Variants in DNAH7 observed in about 807,000 individuals in gnomAD.
The protein encoded by DNAH7 is dynein axonemal heavy chain 7, also known as axonemal beta dynein heavy chain 7.
Under a neutral mutation model 444.6 loss-of-function variants are expected in DNAH7, and 397 were observed. The observed-to-expected ratio is 0.89, with a 90% CI of 0.82 to 0.97. DNAH7 has a LOEUF of 0.97. Ranked by LOEUF, DNAH7 falls within the 50% of genes least tolerant of loss-of-function variation. DNAH7 has a pLI of 0.00. For synonymous variants in DNAH7, 1,636 were observed against 1,624.4 expected (o/e 1.01, Z -0.17); for missense variants, 4,902 against 4,800.8 (o/e 1.02, Z -0.62).
At chr2:195,899,275 G>A (rs1414050099) in intron 28 of DNAH7, among the ~76,000 whole-genome samples, 3 of 152,114 alleles carry the variant, frequency 2.0e-5, no homozygotes, top group East Asian at 3.8e-4. Context: ...AAATATTCAG[G>A]CCAGAACATT....
intron 2 of DNAH7, among the ~76,000 whole-genome samples, chr2:196,056,142 C>T (rs192669545): frequency 2.8e-4 from 42 of 152,144 alleles, no homozygotes; most frequent in Non-Finnish European, 5.3e-4. Flanking sequence ...TAGCTTCTCA[C>T]ATCAAGAAAA....
At chr2:195,878,067 A>G (rs1361876252) in intron 36 of DNAH7, among the ~76,000 whole-genome samples, 1 of 152,228 alleles carries the variant, frequency 6.6e-6, no homozygotes, top group Non-Finnish European at 1.5e-5. Context: ...TATTTATTTA[A>G]AGAAACAACT....
chr2:195,813,667 G>A (rs767463393), intron 51 of DNAH7, among the ~76,000 whole-genome samples: 11 of 152,152 alleles, frequency 7.2e-5, no homozygotes, highest in Non-Finnish European at 1.0e-4. Context: ...TATCTGCTTC[G>A]ATAATTAAGG....
rs577132425 is a variant in DNAH7 at position 195,996,262 on chromosome 2, T to G, written c.1353+4442A>C. On this transcript the variant is annotated intron_variant, in intron 12 of 64. Transcript: ENST00000312428. The stretch of plus-strand genomic sequence containing the variant: ...ACCAGAGCAGACTAAAATCCTTAGC[T>G]GCAAAATTTGCATTCTGCTCTCAGG... Among the ~76,000 whole-genome samples, 3 of 152,332 alleles carry G rather than the reference T, an allele frequency of 2.0e-5. No homozygotes were observed. In the South Asian group the frequency reaches 6.2e-4, roughly 32 times the overall value.
intron 46 of DNAH7, among the ~76,000 whole-genome samples, chr2:195,846,980 T>TGTGTGTGC (rs1194482893): frequency 6.6e-6 from 1 of 151,184 alleles, no homozygotes; most frequent in African/African-American, 2.4e-5. Flanking sequence ...TGTGTGTGTG[T>TGTGTGTGC]GTATCCTATC....
intron 19 of DNAH7, among the ~76,000 whole-genome samples, chr2:195,951,898 T>C (rs10166940): frequency 0.014 from 2,170 of 152,288 alleles, 54 homozygotes; most frequent in African/African-American, 0.049. Flanking sequence ...TGACAGTCTG[T>C]GTCTTTTAAT....
intron 1 of DNAH7, among the ~76,000 whole-genome samples, chr2:196,067,738 C>G (rs529528699): frequency 6.8e-4 from 104 of 151,918 alleles, no homozygotes; most frequent in African/African-American, 2.5e-3. Context: ...CTAACACTAC[C>G]GAAAAAAGCA....
intron 63 of DNAH7, among the ~76,000 whole-genome samples, chr2:195,742,394 A>G (rs1268110806): frequency 6.6e-6 from 1 of 152,200 alleles, no homozygotes; most frequent in Non-Finnish European, 1.5e-5. Flanking sequence ...GCCTCTAACC[A>G]ATCAGATTAG....
chr2:195,924,608 A>G (rs372585930), intron 22 of DNAH7, among the ~76,000 whole-genome samples: 13 of 148,632 alleles, frequency 8.7e-5, no homozygotes, highest in African/African-American at 2.5e-4. Flanking sequence ...AAAAAAAAAG[A>G]GAGAGAGAGA....
At chr2:196,051,378 T>G (rs1197320139) in intron 2 of DNAH7, 129 bp from the exon 3 acceptor site, 1 of 718,058 alleles carries the variant, frequency 1.4e-6, no homozygotes, top group Non-Finnish European at 2.4e-6. Flanking sequence ...AGATAAACTT[T>G]ACTGCTTTTT....
chr2:196,050,298 CAT>C (rs763856723), intron 3 of DNAH7, among the ~76,000 whole-genome samples: 47 of 151,606 alleles, frequency 3.1e-4, no homozygotes, highest in Non-Finnish European at 5.4e-4. Flanking sequence ...TAGTCAAATA[CAT>C]AGAGACAAGA....
At position 195,778,635 on chromosome 2, in the gene DNAH7, AAT is replaced by A. The variant is rs1215032857; in HGVS notation, c.10879-652_10879-651del. Among the ~76,000 whole-genome samples, 48 of 47,700 alleles carry A rather than the reference AAT, an allele frequency of 1.0e-3. 9 individuals carry two copies. Among genetic ancestry groups the A allele is most frequent in the South Asian group, 1.6e-3 (2 of 1,280 alleles). 31.3% of individuals were successfully genotyped at this position (47,700 alleles called of 152,430 possible). A position where few individuals can be genotyped will look rare whatever the true frequency, so the allele number is the denominator to read the frequency against. On this transcript the variant is annotated intron_variant, in intron 58 of 64. Coordinates refer to ENST00000312428, the MANE Select transcript of DNAH7 (RefSeq NM_018897.3). ...CCCTGTCTGAAAAAAAAAAAAAATAAATAAATAAATATATATATATATATATA... is the reference window on the plus strand; with the variant it reads ...CCCTGTCTGAAAAAAAAAAAAAATAAAAATAAATATATATATATATATATA...
intron 43 of DNAH7, 125 bp from the exon 44 acceptor site, chr2:195,857,848 T>G (rs1475634952): frequency 3.6e-5 from 30 of 831,372 alleles, no homozygotes; most frequent in Non-Finnish European, 5.0e-5. Flanking sequence ...ATGGTGACAG[T>G]AATAGAACTG....
chr2:195,741,333 C>T (rs184949786), intron 63 of DNAH7, among the ~76,000 whole-genome samples: 33 of 152,260 alleles, frequency 2.2e-4, no homozygotes, highest in African/African-American at 7.7e-4. Context: ...TGCTCCTCCC[C>T]TTTTAGAATT....
intron 51 of DNAH7, among the ~76,000 whole-genome samples, chr2:195,815,891 G>C (rs1255202710): frequency 6.6e-6 from 1 of 152,160 alleles, no homozygotes; most frequent in Non-Finnish European, 1.5e-5. Flanking sequence ...TACTCAGGAG[G>C]CTGAGGCAGG....
rs1297072256 is a variant in DNAH7, at chr2:196,001,688, A to G, written c.1160T>C (p.Ile387Thr). 1.9e-6 allele frequency: 3 copies of G among 1,575,404 alleles called. No homozygotes were observed. Among genetic ancestry groups the G allele is most frequent in the Non-Finnish European group, 2.6e-6 (3 of 1,161,012 alleles). Residue 387 changes from isoleucine (I) to threonine (T), a missense_variant, in exon 11 of 65, where the codon ATT becomes ACT. By Grantham distance (89) the Ile-to-Thr change is moderately conservative (BLOSUM62 -1). Coordinates refer to ENST00000312428, the MANE Select transcript of DNAH7 (RefSeq NM_018897.3). ...AACCATACTTACTGGGGGTTGTGCA[A>G]TTAAGTCCGTGAAATCTTGCATGGA... ...LVSMQDFTDL[I>T]AQPPDSVRAF...
intron 23 of DNAH7, among the ~76,000 whole-genome samples, chr2:195,923,206 G>C (rs1688129997): frequency 6.6e-6 from 1 of 152,126 alleles, no homozygotes; most frequent in South Asian, 2.1e-4. Flanking sequence ...GAAAGAGTTT[G>C]ATTCATACAT....
At chr2:195,975,317 G>T (rs1288894747) in intron 15 of DNAH7, among the ~76,000 whole-genome samples, 1 of 151,828 alleles carries the variant, frequency 6.6e-6, no homozygotes, top group Non-Finnish European at 1.5e-5. Flanking sequence ...ACTTTGTGTT[G>T]GAACTCGGTG....
chr2:195,787,172 C>T lies in DNAH7; in HGVS notation c.10717-1G>A, dbSNP rs868490589. 1 of 1,591,490 alleles carries T rather than the reference C, an allele frequency of 6.3e-7. No homozygotes were observed. The highest frequency in any genetic ancestry group is 1.1e-5 in the South Asian group (1 of 87,098). ...CATAAAGCAATTTCTTGAATTCCTC[C>T]TGTAATGAGAAGAAATGATGCCGCA... On this transcript the variant is annotated splice_acceptor_variant, in intron 57 of 64. Coordinates refer to ENST00000312428, the MANE Select transcript of DNAH7 (RefSeq NM_018897.3). LOFTEE classifies it high-confidence loss of function.
Sources: gnomAD v4.1 joint callset for allele counts (sites outside exome capture counted in the v4.1 genomes callset) on GRCh38, gnomAD v4.1.1 for gene constraint, MANE v1.5 for transcripts, NCBI Gene and HGNC (gene_info 2026-07-23, HGNC 2026-07-21) for gene names.